Variants in GPR143 observed in about 807,000 individuals in gnomAD.
GPR143 encodes the protein G protein-coupled receptor 143.
A neutral mutation model predicts 27.6 loss-of-function variants in GPR143; 8 were observed. The ratio of observed to expected loss-of-function variants is 0.29; its 90% CI spans 0.17 to 0.52. GPR143 has a LOEUF of 0.52. Among genes scored for constraint, GPR143 ranks in the 20% least tolerant of loss-of-function variants. The pLI is 0.96. For missense variants in GPR143, 303 were observed against 343.1 expected (o/e 0.88, Z 0.92); for synonymous variants, 156 against 153.2 (o/e 1.02, Z -0.13).
In GPR143 at chrX:9,760,154, C is replaced by T. The variant is rs149089193; in HGVS notation, c.360+563G>A. On this transcript the variant is annotated intron_variant, in intron 2 of 8. Transcript: ENST00000467482. The stretch of plus-strand genomic sequence containing the variant: ...TCACCCAGGCTGGAGTGCAGTGGCG[C>T]GATCTTGGCTCACTGCAACCTCCGC... Among the ~76,000 whole-genome samples, 87 of 111,705 alleles carry T rather than the reference C, an allele frequency of 7.8e-4. 1 individual carries two copies. The highest frequency in any genetic ancestry group is 1.8e-3 in the African/African-American group (56 of 30,724).
chrX:9,739,402 C>T lies in GPR143; in HGVS notation c.1120+83G>A, dbSNP rs752014081. 1.7e-4 allele frequency: 111 copies of T among 660,483 alleles called. No homozygotes were observed. The Admixed American group carries it at 2.5e-3, about 15-fold the overall frequency. 54.4% of individuals were successfully genotyped at this position (660,483 alleles called of 1,213,427 possible). ...ACACCCCGCCATGCACAGGACAGCC[C>T]CCGGGACAAAGAATCCTCTAAGGCT... On this transcript the variant is annotated intron_variant, in intron 8 of 8. Transcript: ENST00000467482.
chrX:9,757,076 G>C (rs955567798), intron 3 of GPR143, among the ~76,000 whole-genome samples: 2 of 112,681 alleles, frequency 1.8e-5, no homozygotes, highest in African/African-American at 6.4e-5. Flanking sequence ...GCAATGAAAA[G>C]GGGTTGTTTT....
rs2083427840 is a variant in GPR143, at chrX:9,746,157, A to C, written c.549-4T>G. ...GTGGTCCAGGCCCCGCTCACACCTGAGAGAGGAAAACCAAAGTCATTCTTC... is the reference window on the plus strand; with the variant it reads ...GTGGTCCAGGCCCCGCTCACACCTGCGAGAGGAAAACCAAAGTCATTCTTC... On this transcript the variant is annotated splice_polypyrimidine_tract_variant and splice_region_variant and intron_variant, in intron 4 of 8. Coordinates refer to ENST00000467482, the MANE Select transcript of GPR143 (RefSeq NM_000273.3). 5.4e-6 allele frequency: 6 copies of C among 1,113,413 alleles called. No individual in the cohort carries two copies. Among genetic ancestry groups the C allele is most frequent in the African/African-American group, 1.8e-5 (1 of 55,444 alleles). The allele number at this position is 1,113,413 out of a possible 1,213,427, so 91.8% of individuals were successfully genotyped here. A position where few individuals can be genotyped will look rare whatever the true frequency, so the allele number is the denominator to read the frequency against.
At position 9,760,747 on chromosome X, in the gene GPR143, A is replaced by G; in HGVS notation, c.330T>C (p.Ile110=). 1 of 1,197,547 alleles carries G rather than the reference A, an allele frequency of 8.4e-7. No homozygotes were observed. The highest frequency in any genetic ancestry group is 1.1e-6 in the Non-Finnish European group (1 of 885,035). ...DSVSDMNHTE[I]WPAAFCVGSA... ...TCCCCACGCAGAAAGCAGCAGGCCAAATTTCCGTGTGGTTCATATCCGAGA... is the reference window on the plus strand; with the variant it reads ...TCCCCACGCAGAAAGCAGCAGGCCAGATTTCCGTGTGGTTCATATCCGAGA... Residue 110 remains isoleucine (I), a synonymous_variant, in exon 2 of 9, where the codon ATT becomes ATC. Transcript: ENST00000467482.
intron 3 of GPR143, among the ~76,000 whole-genome samples, chrX:9,751,356 G>A (rs943440607): frequency 8.9e-6 from 1 of 112,547 alleles, no homozygotes; most frequent in African/African-American, 3.2e-5. Flanking sequence ...CCTGTGCTCA[G>A]GGAGGTGGAG....
At position 9,725,856 on chromosome X, in the gene GPR143, CAA is replaced by C; in HGVS notation, c.1121-18_1121-17del. ...GCATCAGAACCTGGAGAGGAAAAGA[CAA>C]AAGACTGACTGTGTCTGTGTCCTAG... On this transcript the variant is annotated splice_polypyrimidine_tract_variant and intron_variant, in intron 8 of 8. Transcript: ENST00000467482. 8.3e-7 allele frequency: 1 copy of C among 1,204,582 alleles called. No homozygotes were observed. Among genetic ancestry groups the C allele is most frequent in the Non-Finnish European group, 1.1e-6 (1 of 891,911 alleles).
intron 4 of GPR143, chrX:9,747,694 T>A (rs1020282852): frequency 9.0e-6 from 1 of 111,483 alleles, no homozygotes; most frequent in African/African-American, 3.3e-5. Flanking sequence ...TTTCTGTCGA[T>A]TTTTTTTCTG....
chrX:9,746,185 A>G (rs375029793), intron 4 of GPR143, 32 bp from the exon 5 acceptor site: 319 of 914,706 alleles, frequency 3.5e-4, no homozygotes, highest in Middle Eastern at 2.4e-3. Flanking sequence ...CATTCTTCTC[A>G]AAAGCAAAGT....
At chrX:9,767,263 C>T (rs1042162690), upstream of GPR143, among the ~76,000 whole-genome samples, 16 of 110,021 alleles carry the variant, frequency 1.5e-4, no homozygotes, top group Admixed American at 9.8e-5. Flanking sequence ...AAAAAAAAAT[C>T]CAGCTCCATC....
At chrX:9,734,234 GGA>G (rs1178467559) in intron 8 of GPR143, among the ~76,000 whole-genome samples, 12 of 111,176 alleles carry the variant, frequency 1.1e-4, no homozygotes, top group African/African-American at 3.3e-4. Flanking sequence ...AAGAATTGTG[GGA>G]GAGACAGGGG....
chrX:9,764,925 G>A (rs1353968002), intron 1 of GPR143, among the ~76,000 whole-genome samples: 1 of 108,484 alleles, frequency 9.2e-6, no homozygotes. Context: ...TCGGGAGGCT[G>A]AGGCAAGAGA....
chrX:9,747,508 C>G (rs1051297956), intron 4 of GPR143, among the ~76,000 whole-genome samples: 9 of 111,254 alleles, frequency 8.1e-5, no homozygotes, highest in African/African-American at 2.9e-4. Context: ...ATAACAGCTG[C>G]TGACAGTGCA....
chrX:9,772,813 CAAAAA>C (rs57110568), intron 1 of GPR143, among the ~76,000 whole-genome samples: 1 of 49,792 alleles, frequency 2.0e-5, no homozygotes, highest in African/African-American at 8.5e-5. Flanking sequence ...GATCCTGTCT[CAAAAA>C]AAAAAAAAAA....
chrX:9,769,000 G>C (rs370133397), upstream of GPR143, among the ~76,000 whole-genome samples: 14 of 111,675 alleles, frequency 1.3e-4, no homozygotes, highest in South Asian at 2.6e-3. Context: ...TCATGAAACA[G>C]TACAACTACA....
intron 8 of GPR143, among the ~76,000 whole-genome samples, chrX:9,727,485 C>A (rs921983060): frequency 8.8e-6 from 1 of 113,216 alleles, no homozygotes; most frequent in Non-Finnish European, 1.9e-5. Context: ...CCATCTCCTG[C>A]AACAGGTAGC....
intron 8 of GPR143, among the ~76,000 whole-genome samples, chrX:9,729,081 G>T (rs2083342381): frequency 9.0e-6 from 1 of 110,936 alleles, no homozygotes; most frequent in Non-Finnish European, 1.9e-5. Context: ...GGAGAGTCTG[G>T]GTAGCCGACA....
intron 7 of GPR143, chrX:9,740,950 T>C (rs931998444): frequency 4.0e-5 from 12 of 298,126 alleles, no homozygotes; most frequent in Non-Finnish European, 7.0e-5. Flanking sequence ...AGTTGAAGCA[T>C]TTAATAAGGA....
chrX:9,738,291 G>T (rs2083387309), intron 8 of GPR143: 1 of 220,834 alleles, frequency 4.5e-6, no homozygotes, highest in Non-Finnish European at 6.6e-6. Context: ...CAGCAGGATG[G>T]GAATGCAAAG....
chrX:9,778,541 T>G (rs1293714517), intron 1 of GPR143, among the ~76,000 whole-genome samples: 1 of 109,654 alleles, frequency 9.1e-6, no homozygotes, highest in Non-Finnish European at 1.9e-5. Context: ...AACTCCAGAT[T>G]AAGGTAGTGT....
Sources: allele counts gnomAD v4.1 joint callset (sites outside exome capture counted in the v4.1 genomes callset), GRCh38; gene constraint gnomAD v4.1.1; transcripts MANE v1.5; gene names NCBI Gene and HGNC (gene_info 2026-07-23, HGNC 2026-07-21).